Variants in FARS2 observed in about 807,000 individuals in gnomAD.
FARS2 encodes phenylalanyl-tRNA synthetase 2, mitochondrial, also known as phenylalanine--tRNA ligase, mitochondrial.
Under a neutral mutation model 46.4 loss-of-function variants are expected in FARS2, and 40 were observed. The observed-to-expected ratio is 0.86, with a 90% CI of 0.67 to 1.12. The LOEUF is 1.12. FARS2 is among the 50% of genes most tolerant of loss of function. The pLI, the probability that FARS2 is intolerant of heterozygous loss-of-function variation, is 0.00. For missense variants in FARS2, 513 were observed against 567.9 expected, an observed-to-expected ratio of 0.90 and a Z score of 0.98; for synonymous variants, 234 against 214.9, an observed-to-expected ratio of 1.09 and a Z score of -0.78.
intron 5 of FARS2, among the ~76,000 whole-genome samples, chr6:5,554,804 A>C (rs1274608222): frequency 2.6e-5 from 4 of 152,228 alleles, no homozygotes; most frequent in Non-Finnish European, 5.9e-5. Context: ...CCAGGATTTT[A>C]ACCAAAGCTG....
At chr6:5,264,422 C>T (rs1248945698) in intron 1 of FARS2, among the ~76,000 whole-genome samples, 1 of 152,050 alleles carries the variant, frequency 6.6e-6, no homozygotes, top group African/African-American at 2.4e-5. Flanking sequence ...ACTTTTTCCT[C>T]ATTCGTTCAT....
At chr6:5,585,502 C>G (rs1162563599) in intron 5 of FARS2, among the ~76,000 whole-genome samples, 3 of 152,118 alleles carry the variant, frequency 2.0e-5, no homozygotes, top group Non-Finnish European at 4.4e-5. Flanking sequence ...TGGCAACCAC[C>G]TTTCTACTCT....
chr6:5,499,392 C>T (rs79528360), intron 4 of FARS2, among the ~76,000 whole-genome samples: 6,955 of 152,212 alleles, frequency 0.046, 245 homozygotes, highest in Non-Finnish European at 0.069. Context: ...ACTTTAGTTC[C>T]CTTCAGTGCA....
intron 6 of FARS2, among the ~76,000 whole-genome samples, chr6:5,710,803 C>T (rs903029036): frequency 1.7e-4 from 26 of 152,108 alleles, no homozygotes; most frequent in African/African-American, 5.6e-4. Flanking sequence ...GTGGCAACTG[C>T]GGAAAAAACT....
intron 6 of FARS2, among the ~76,000 whole-genome samples, chr6:5,627,033 C>T (rs1027103889): frequency 6.6e-6 from 1 of 152,146 alleles, no homozygotes; most frequent in African/African-American, 2.4e-5. Context: ...AAAGTGGCAG[C>T]GTAGTAGGTT....
intron 6 of FARS2, among the ~76,000 whole-genome samples, chr6:5,637,983 C>A (rs1776625388): frequency 6.6e-6 from 1 of 152,204 alleles, no homozygotes; most frequent in South Asian, 2.1e-4. Context: ...CAGTTCAACC[C>A]ATAACAGATG....
intron 6 of FARS2, among the ~76,000 whole-genome samples, chr6:5,671,675 A>T (rs1367101947): frequency 6.6e-6 from 1 of 152,202 alleles, no homozygotes; most frequent in Non-Finnish European, 1.5e-5. Context: ...AACCAAGCAC[A>T]TGTTTACAGA....
chr6:5,490,190 A>T (rs55709339), intron 4 of FARS2, among the ~76,000 whole-genome samples: 29,928 of 152,028 alleles, frequency 0.2, 3,077 homozygotes, highest in East Asian at 0.35. Context: ...TTTACAAAGT[A>T]TTTCTGAGGT....
In FARS2 at chr6:5,497,848, T is replaced by C. The variant is rs138761923; in HGVS notation, c.905-47332T>C. Among the ~76,000 whole-genome samples the C allele has an allele frequency of 2.0e-5, 3 of 152,366 alleles. No homozygotes were observed. In the East Asian group the frequency reaches 5.8e-4, roughly 29 times the overall value. On this transcript the variant is annotated intron_variant, in intron 4 of 6. Coordinates refer to ENST00000274680, the MANE Select transcript of FARS2 (RefSeq NM_006567.5). ...CCTAAATAAGTAATTCATTAACCTT[T>C]CATTGTAATAGGAGCGTGAGCATCT...
chr6:5,252,950 G>T, the FARS2 span, among the ~76,000 whole-genome samples: 9 of 152,108 alleles, frequency 5.9e-5, no homozygotes, highest in South Asian at 2.1e-4. Flanking sequence ...CCCTGTGTAA[G>T]GGCTTCCTAT....
At chr6:5,284,747 C>T (rs189628662) in intron 1 of FARS2, among the ~76,000 whole-genome samples, 3 of 152,296 alleles carry the variant, frequency 2.0e-5, no homozygotes, top group Admixed American at 2.0e-4. Flanking sequence ...TTGAAATGTT[C>T]TCCCTCCTCT....
chr6:5,625,837 ATG>A (rs1252242748), intron 6 of FARS2, among the ~76,000 whole-genome samples: 3 of 152,266 alleles, frequency 2.0e-5, no homozygotes, highest in African/African-American at 4.8e-5. Context: ...CAGGCTCCAG[ATG>A]GTCTCTCCGG....
intron 4 of FARS2, among the ~76,000 whole-genome samples, chr6:5,530,870 A>C (rs562436840): frequency 6.8e-6 from 1 of 147,670 alleles, no homozygotes; most frequent in South Asian, 2.1e-4. Flanking sequence ...TTATACTTAT[A>C]TATCAATGGA....
At chr6:5,501,152 C>T (rs570040664) in intron 4 of FARS2, among the ~76,000 whole-genome samples, 3 of 152,074 alleles carry the variant, frequency 2.0e-5, no homozygotes, top group East Asian at 1.9e-4. Flanking sequence ...AACATTGCCA[C>T]TCGCCATCTA....
intron 1 of FARS2, among the ~76,000 whole-genome samples, chr6:5,339,969 G>T (rs1418466489): frequency 6.6e-6 from 1 of 152,268 alleles, no homozygotes; most frequent in Non-Finnish European, 1.5e-5. Flanking sequence ...TTTTAGAGAA[G>T]TCAGGATAGC....
intron 6 of FARS2, among the ~76,000 whole-genome samples, chr6:5,659,130 C>T (rs1483663141): frequency 1.3e-5 from 2 of 152,180 alleles, no homozygotes; most frequent in Non-Finnish European, 2.9e-5. Flanking sequence ...GGGATTAGTG[C>T]AACTGCTTAA....
chr6:5,547,987 T>C (rs992552631), intron 5 of FARS2, among the ~76,000 whole-genome samples: 1 of 152,228 alleles, frequency 6.6e-6, no homozygotes, highest in Admixed American at 6.5e-5. Context: ...AGAGGTTTAA[T>C]TGGACGTACA....
chr6:5,305,132 C>CT (rs1768605295), intron 1 of FARS2, among the ~76,000 whole-genome samples: 1 of 152,154 alleles, frequency 6.6e-6, no homozygotes, highest in African/African-American at 2.4e-5. Flanking sequence ...GAGGTCACAC[C>CT]TAGGCTCAGT....
intron 6 of FARS2, among the ~76,000 whole-genome samples, chr6:5,615,103 C>G (rs1775404032): frequency 6.6e-6 from 1 of 152,096 alleles, no homozygotes. Context: ...TCTTTTCTCC[C>G]TAGTATATAT....
Sources: allele counts gnomAD v4.1 joint callset (sites outside exome capture counted in the v4.1 genomes callset), GRCh38; gene constraint gnomAD v4.1.1; transcripts MANE v1.5; gene names NCBI Gene and HGNC (gene_info 2026-07-23, HGNC 2026-07-21).